OSBPL1A: variants seen among roughly 807,000 people sequenced by gnomAD.
OSBPL1A encodes oxysterol binding protein like 1A, also known as oxysterol-binding protein-related protein 1.
Under a neutral mutation model 137.1 loss-of-function variants are expected in OSBPL1A, and 80 were observed. The ratio of observed to expected loss-of-function variants is 0.58; its 90% CI spans 0.49 to 0.70. OSBPL1A has a LOEUF of 0.70. Ranked by LOEUF, OSBPL1A falls within the 30% of genes least tolerant of loss-of-function variation. The pLI is 0.00. For missense variants in OSBPL1A, 970 were observed against 1,129.4 expected (o/e 0.86, Z 2.02); for synonymous variants, 365 against 389.7 (o/e 0.94, Z 0.75).
At chr18:24,392,038 T>C (rs1907395887) in intron 1 of OSBPL1A, among the ~76,000 whole-genome samples, 1 of 152,052 alleles carries the variant, frequency 6.6e-6, no homozygotes, top group African/African-American at 2.4e-5. Flanking sequence ...GTATTTTTTG[T>C]AGAGTCAGGG....
intron 27 of OSBPL1A, among the ~76,000 whole-genome samples, chr18:24,163,623 G>GC (rs1290001706): frequency 2.5e-4 from 38 of 149,796 alleles, no homozygotes; most frequent in African/African-American, 6.8e-4. Context: ...TTTCCACAAG[G>GC]CATTTTTTTA....
At chr18:24,305,259 T>C (rs937924463) in intron 13 of OSBPL1A, among the ~76,000 whole-genome samples, 4 of 152,236 alleles carry the variant, frequency 2.6e-5, no homozygotes, top group African/African-American at 9.6e-5. Flanking sequence ...ACACCTTCTA[T>C]AGCATCATCT....
At chr18:24,347,188 T>C (rs961143105) in intron 4 of OSBPL1A, among the ~76,000 whole-genome samples, 2 of 152,198 alleles carry the variant, frequency 1.3e-5, no homozygotes, top group African/African-American at 4.8e-5. Flanking sequence ...AGTAATTTTA[T>C]TTTTTGAGAC....
chr18:24,187,078 G>A (rs896236155), intron 18 of OSBPL1A, among the ~76,000 whole-genome samples: 2 of 152,112 alleles, frequency 1.3e-5, no homozygotes, highest in African/African-American at 4.8e-5. Flanking sequence ...AATGGAAAAA[G>A]AAGAGCAACA....
intron 22 of OSBPL1A, among the ~76,000 whole-genome samples, 186 bp downstream of exon 22, chr18:24,172,190 C>T (rs1233394607): frequency 3.3e-5 from 5 of 152,144 alleles, no homozygotes; most frequent in African/African-American, 7.2e-5. Flanking sequence ...CCACCCGCCT[C>T]GGCCTCCCAA....
chr18:24,253,253 T>TA (rs2089166142), intron 15 of OSBPL1A, among the ~76,000 whole-genome samples: 1 of 140,872 alleles, frequency 7.1e-6, no homozygotes, highest in Non-Finnish European at 1.5e-5. Context: ...AAGGTACACA[T>TA]AGAGTGAAAA....
At chr18:24,321,040 A>AG (rs1555650632) in intron 7 of OSBPL1A, among the ~76,000 whole-genome samples, 4 of 146,024 alleles carry the variant, frequency 2.7e-5, no homozygotes, top group Non-Finnish European at 3.0e-5. Flanking sequence ...AAAAAAAAAA[A>AG]AAAAAGAAAA....
chr18:24,355,107 C>T (rs912260468), intron 4 of OSBPL1A, among the ~76,000 whole-genome samples: 5 of 152,130 alleles, frequency 3.3e-5, no homozygotes, highest in African/African-American at 1.2e-4. Flanking sequence ...GAGGCTGTTG[C>T]CTTTCTCACC....
intron 22 of OSBPL1A, among the ~76,000 whole-genome samples, chr18:24,171,921 GAGTT>G (rs1357217329): frequency 1.3e-5 from 2 of 151,490 alleles, no homozygotes; most frequent in Non-Finnish European, 2.9e-5. Context: ...AGTCATTCAA[GAGTT>G]AGTTATATTG....
intron 4 of OSBPL1A, among the ~76,000 whole-genome samples, chr18:24,360,196 C>T (rs994398498): frequency 1.4e-4 from 21 of 152,174 alleles, no homozygotes; most frequent in African/African-American, 4.8e-4. Flanking sequence ...GTCTTGAAGT[C>T]CTGACCTCAG....
chr18:24,200,055 T>C (rs1010058695), intron 17 of OSBPL1A, among the ~76,000 whole-genome samples: 4 of 152,234 alleles, frequency 2.6e-5, no homozygotes, highest in Non-Finnish European at 5.9e-5. Context: ...TAACCCAGTA[T>C]ATCCAAAATA....
At chr18:24,181,392 T>A (rs1018888696) in intron 18 of OSBPL1A, 113 bp from the exon 19 acceptor site, 3 of 1,157,444 alleles carry the variant, frequency 2.6e-6, no homozygotes, top group Non-Finnish European at 3.6e-6. Flanking sequence ...TAGCAACCCA[T>A]GAAATTTCAT....
Position 24,376,380 on chromosome 18 carries a change from C to G in OSBPL1A, c.121+1033G>C, listed in dbSNP as rs533099832. The stretch of plus-strand genomic sequence containing the variant: ...GATTGGTGCATTCACAAACCCTGAA[C>G]TAGACGCAGGGTGCTGATTGGTGTG... On this transcript the variant is annotated intron_variant, in intron 2 of 27. Coordinates refer to ENST00000319481, the MANE Select transcript of OSBPL1A (RefSeq NM_080597.4). Among the ~76,000 whole-genome samples the G allele has an allele frequency of 4.6e-5, 7 of 152,344 alleles. No homozygotes were observed. In the East Asian group the frequency reaches 7.7e-4, roughly 17 times the overall value.
chr18:24,200,799 G>A (rs1379886285), intron 17 of OSBPL1A, among the ~76,000 whole-genome samples: 2 of 152,094 alleles, frequency 1.3e-5, no homozygotes, highest in African/African-American at 4.8e-5. Flanking sequence ...TCAAGAAAAT[G>A]CTAAATCTTC....
At chr18:24,187,731 T>G (rs1159891208) in intron 18 of OSBPL1A, among the ~76,000 whole-genome samples, 2 of 152,230 alleles carry the variant, frequency 1.3e-5, no homozygotes, top group Admixed American at 6.5e-5. Context: ...CTGGGATACT[T>G]TGCCCTGACC....
intron 1 of OSBPL1A, among the ~76,000 whole-genome samples, chr18:24,378,477 A>C (rs1412118110): frequency 3.3e-5 from 5 of 152,176 alleles, no homozygotes; most frequent in African/African-American, 4.8e-5. Flanking sequence ...CTGCAAAAAC[A>C]TTTACACAAG....
intron 22 of OSBPL1A, 36 bp from the exon 23 acceptor site, chr18:24,171,534 T>C (rs779180922): frequency 6.7e-7 from 1 of 1,494,718 alleles, no homozygotes; most frequent in African/African-American, 1.4e-5. Context: ...TTATCATTTA[T>C]TAGCAAAGCA....
chr18:24,355,761 G>C (rs996573931), intron 4 of OSBPL1A, among the ~76,000 whole-genome samples: 2 of 151,850 alleles, frequency 1.3e-5, no homozygotes, highest in African/African-American at 4.8e-5. Flanking sequence ...AAGGCAGGCA[G>C]ATCACCTGAG....
At chr18:24,210,132 C>T (rs6508260) in intron 17 of OSBPL1A, among the ~76,000 whole-genome samples, 92,395 of 152,058 alleles carry the variant, frequency 0.61, 28,491 homozygotes, top group East Asian at 0.85. Flanking sequence ...TTAAAAATTA[C>T]TGAAGACCCC....
Sources: allele counts gnomAD v4.1 joint callset (sites outside exome capture counted in the v4.1 genomes callset), GRCh38; gene constraint gnomAD v4.1.1; transcripts MANE v1.5; gene names NCBI Gene and HGNC (gene_info 2026-07-23, HGNC 2026-07-21).